NPHP1: variants seen among roughly 807,000 people sequenced by gnomAD.
The protein encoded by NPHP1 is nephrocystin 1, also known as nephrocystin-1.
Under a neutral mutation model 90.4 loss-of-function variants are expected in NPHP1, and 70 were observed. The observed-to-expected ratio is 0.77, with a 90% CI of 0.64 to 0.95. The LOEUF is 0.95. NPHP1 is among the 40% of genes least tolerant of loss of function. NPHP1 has a pLI of 0.00. For missense variants in NPHP1, 764 were observed against 795.9 expected (o/e 0.96, Z 0.48); for synonymous variants, 256 against 271.7 (o/e 0.94, Z 0.57).
intron 4 of NPHP1, among the ~76,000 whole-genome samples, chr2:110,172,401 T>G (rs1574144875): frequency 6.6e-6 from 1 of 152,142 alleles, no homozygotes; most frequent in Non-Finnish European, 1.5e-5. Context: ...CTGCTCTCCT[T>G]GGGTTTGTTG....
At chr2:110,196,096 A>C (rs1419045196) in intron 2 of NPHP1, among the ~76,000 whole-genome samples, 1 of 152,080 alleles carries the variant, frequency 6.6e-6, no homozygotes, top group East Asian at 1.9e-4. Context: ...AGGCATGGGC[A>C]AGGACGTCAT....
rs375907280 is a variant in NPHP1 at position 110,148,020 on chromosome 2, G to A, written c.1165C>T (p.Arg389Cys). The A allele has an allele frequency of 6.7e-5, 106 of 1,582,468 alleles. No individual in the cohort carries two copies. Among genetic ancestry groups the A allele is most frequent in the South Asian group, 1.3e-4 (12 of 90,484 alleles). The change falls in exon 13 of 20, where the codon CGC becomes TGC. Residue 389 changes from arginine (R) to cysteine (C), a missense_variant. Arg to Cys is a radical substitution (Grantham distance 180, BLOSUM62 -3). Coordinates refer to ENST00000445609, the MANE Select transcript of NPHP1 (RefSeq NM_001128178.3). ...KTWTFSPQVTRILPCLLDGDC... is the reference protein window; with the variant it reads ...KTWTFSPQVTCILPCLLDGDC... ...CCATCAAGCAAACATGGTAAGATGC[G>A]AGTAACCTGAAATGATAAAGAAATT...
In NPHP1 at chr2:110,142,297, A is replaced by G. The variant is rs543918185; in HGVS notation, c.1529+1245T>C. Among the ~76,000 whole-genome samples, 13 of 152,218 alleles carry G rather than the reference A, an allele frequency of 8.5e-5. No individual in the cohort carries two copies. The East Asian group carries it at 2.3e-3, about 27-fold the overall frequency. On this transcript the variant is annotated intron_variant, in intron 16 of 19. Coordinates refer to ENST00000445609, the MANE Select transcript of NPHP1 (RefSeq NM_001128178.3). ...AAACCCATCATAAATTGAAAATATC[A>G]TAAGTTGAAGATAATATCATAAGTT...
At chr2:110,181,878 A>C (rs1303902257) in intron 2 of NPHP1, among the ~76,000 whole-genome samples, 2 of 152,200 alleles carry the variant, frequency 1.3e-5, no homozygotes, top group Non-Finnish European at 2.9e-5. Flanking sequence ...ACTGCAAAGA[A>C]GCTAAGAATC....
chr2:110,180,753 G>A (rs1683843443), intron 2 of NPHP1, among the ~76,000 whole-genome samples: 1 of 152,102 alleles, frequency 6.6e-6, no homozygotes, highest in Non-Finnish European at 1.5e-5. Context: ...CCCCAACCAA[G>A]AGAAGTGGTG....
At chr2:110,184,457 G>A in intron 2 of NPHP1, 2 of 735,846 alleles carry the variant, frequency 2.7e-6, no homozygotes, top group East Asian at 2.7e-5. Flanking sequence ...GCTTCAATGT[G>A]CCTGCTATTT....
chr2:110,187,460 G>A (rs576275575), intron 2 of NPHP1, among the ~76,000 whole-genome samples: 3 of 152,152 alleles, frequency 2.0e-5, no homozygotes, highest in Non-Finnish European at 4.4e-5. Flanking sequence ...TCCCAAGACT[G>A]AACCAGGAAG....
At chr2:110,192,220 G>A (rs913243572) in intron 2 of NPHP1, among the ~76,000 whole-genome samples, 3 of 152,132 alleles carry the variant, frequency 2.0e-5, no homozygotes, top group African/African-American at 7.2e-5. Flanking sequence ...AGCTAAAGGA[G>A]GAAGTTCGAA....
rs746510153 is a variant in NPHP1, at chr2:110,129,236, C to A, written c.1666G>T (p.Ala556Ser). ...STDLISHPML[A>S]TFPMLLEQPD... ...TGCTCCAAGAGCATGGGGAAGGTGGCCAGCATGGGATGGCTAATTAAATCT... is the reference window on the plus strand; with the variant it reads ...TGCTCCAAGAGCATGGGGAAGGTGGACAGCATGGGATGGCTAATTAAATCT... Residue 556 changes from alanine (A) to serine (S), a missense_variant, in exon 18 of 20, where the codon GCC becomes TCC. By Grantham distance (99) the Ala-to-Ser change is moderately conservative. Transcript: ENST00000445609. 6 of 1,613,438 alleles carry A rather than the reference C, an allele frequency of 3.7e-6. No homozygotes were observed. Among genetic ancestry groups the A allele is most frequent in the East Asian group, 4.5e-5 (2 of 44,890 alleles).
intron 17 of NPHP1, 56 bp from the exon 18 acceptor site, chr2:110,129,315 T>G: frequency 8.0e-7 from 1 of 1,246,718 alleles, no homozygotes; most frequent in Non-Finnish European, 1.2e-6. Context: ...ATGGATTTTA[T>G]TGCAATAGAC....
chr2:110,202,592 A>T (rs908159472), intron 1 of NPHP1: 1 of 281,128 alleles, frequency 3.6e-6, no homozygotes, highest in Non-Finnish European at 7.5e-6. Context: ...TCTTTCTAAT[A>T]GTTTGTTTTA....
In NPHP1 at chr2:110,164,749, A is replaced by G. The variant is rs374563008; in HGVS notation, c.729-19T>C. The G allele has an allele frequency of 2.1e-5, 34 of 1,603,198 alleles. No individual in the cohort carries two copies. The highest frequency in any genetic ancestry group is 2.8e-5 in the Non-Finnish European group (33 of 1,170,188). On this transcript the variant is annotated intron_variant, in intron 7 of 19. Coordinates refer to ENST00000445609, the MANE Select transcript of NPHP1 (RefSeq NM_001128178.3). Reference sequence around the variant, plus strand: ...ATCAGTTCTGGGGAGACAAAATAGCAAAGTGAGTCAGGTCAGGTTATGCCT... The same window carrying G: ...ATCAGTTCTGGGGAGACAAAATAGCGAAGTGAGTCAGGTCAGGTTATGCCT...
At chr2:110,153,593 T>C (rs1024588157) in intron 11 of NPHP1, among the ~76,000 whole-genome samples, 1 of 152,166 alleles carries the variant, frequency 6.6e-6, no homozygotes, top group African/African-American at 2.4e-5. Context: ...AAGCTATGCA[T>C]GTATAAACTT....
chr2:110,176,929 T>C (rs549584607), intron 4 of NPHP1, among the ~76,000 whole-genome samples: 73 of 152,292 alleles, frequency 4.8e-4, no homozygotes, highest in South Asian at 1.9e-3. Context: ...ACCTTTCAGA[T>C]TGCTGGAGTT....
Position 110,189,488 on chromosome 2 carries a change from T to C in NPHP1, c.144-9804A>G, listed in dbSNP as rs149649565. On this transcript the variant is annotated intron_variant, in intron 2 of 19. Coordinates refer to ENST00000445609, the MANE Select transcript of NPHP1 (RefSeq NM_001128178.3). ...GACTTCAGGAGTGAAGCTGCAGACC[T>C]TCGCGGTGAGTGTTACAGCTCATAA... 3.3e-3 allele frequency among the ~76,000 whole-genome samples: 498 copies of C among 152,226 alleles called. 5 individuals carry two copies. The highest frequency in any genetic ancestry group is 0.011 in the African/African-American group (475 of 41,534).
Position 110,170,003 on chromosome 2 carries a change from A to G in NPHP1, c.330-5T>C. 1 of 1,613,252 alleles carries G rather than the reference A, an allele frequency of 6.2e-7. No homozygotes were observed. Among genetic ancestry groups the G allele is most frequent in the Non-Finnish European group, 8.5e-7 (1 of 1,179,406 alleles). On this transcript the variant is annotated splice_region_variant and splice_polypyrimidine_tract_variant and intron_variant, in intron 4 of 19. Coordinates refer to ENST00000445609, the MANE Select transcript of NPHP1 (RefSeq NM_001128178.3). Reference sequence around the variant, plus strand: ...TCTTCAGTAGGTGCCCCAACTCTACAAAAAGTGTTTCTGAGTAGGACTACT... The same window carrying G: ...TCTTCAGTAGGTGCCCCAACTCTACGAAAAGTGTTTCTGAGTAGGACTACT...
intron 4 of NPHP1, 80 bp from the exon 5 acceptor site, chr2:110,170,078 A>T: frequency 1.3e-6 from 2 of 1,527,778 alleles, no homozygotes; most frequent in Non-Finnish European, 1.8e-6. Flanking sequence ...TTCTACATAT[A>T]CATGAATATC....
At chr2:110,203,993 G>C (rs917994629) in intron 1 of NPHP1, among the ~76,000 whole-genome samples, 1 of 152,024 alleles carries the variant, frequency 6.6e-6, no homozygotes, top group Non-Finnish European at 1.5e-5. Flanking sequence ...TCAGCATCCT[G>C]TCACACAGAA....
chr2:110,182,939 G>A (rs1684007517), intron 2 of NPHP1, among the ~76,000 whole-genome samples: 1 of 152,054 alleles, frequency 6.6e-6, no homozygotes, highest in South Asian at 2.1e-4. Flanking sequence ...AAAATAAAGG[G>A]ATGGAGGAAA....
Sources: gnomAD v4.1 joint callset for allele counts (sites outside exome capture counted in the v4.1 genomes callset) on GRCh38, gnomAD v4.1.1 for gene constraint, MANE v1.5 for transcripts, NCBI Gene and HGNC (gene_info 2026-07-23, HGNC 2026-07-21) for gene names.